PHACTR2: variants seen among roughly 807,000 people sequenced by gnomAD.
PHACTR2 encodes chromosome 6 open reading frame 56.
PHACTR2 carries 30 observed loss-of-function variants against 76.0 expected under a neutral mutation model. The observed-to-expected ratio is 0.39, with a 90% CI of 0.30 to 0.54. PHACTR2 has a LOEUF of 0.54. PHACTR2 is among the 20% of genes least tolerant of loss of function. The pLI is 0.61. For synonymous variants in PHACTR2, 292 were observed against 292.5 expected, an observed-to-expected ratio of 1.00 and a Z score of 0.02; for missense variants, 696 against 781.1, an observed-to-expected ratio of 0.89 and a Z score of 1.30.
Position 143,751,710 on chromosome 6 carries a change from G to A in PHACTR2, c.296-2044G>A, listed in dbSNP as rs187489474. Among the ~76,000 whole-genome samples, 2 of 151,718 alleles carry A rather than the reference G, an allele frequency of 1.3e-5. No homozygotes were observed. The highest frequency in any genetic ancestry group is 2.9e-5 in the Non-Finnish European group (2 of 67,926). On this transcript the variant is annotated intron_variant, in intron 3 of 12. Coordinates refer to ENST00000440869, the MANE Select transcript of PHACTR2 (RefSeq NM_001100164.2). This position sits in a 1 kb window ranked among gnomAD's most constrained non-coding sequence, Gnocchi z 5.7. The stretch of plus-strand genomic sequence containing the variant: ...TCTCTTTCCTTTGCTCTCGTGAGAT[G>A]TGTTGACTTGGGCCGCTTATTGTCA...
In PHACTR2 at chr6:143,733,013, C is replaced by T. The variant is rs995200878; in HGVS notation, c.215-15972C>T. ...AAAGCAATCCTCCTGCCTCAGCCTC[C>T]CAAGTTGCTAGGACCAAAGGCATGC... On this transcript the variant is annotated intron_variant, in intron 2 of 12. Transcript: ENST00000440869. This position sits in a 1 kb window ranked among gnomAD's most constrained non-coding sequence, Gnocchi z 4.0. Among the ~76,000 whole-genome samples the T allele has an allele frequency of 6.6e-6, 1 of 152,070 alleles. No homozygotes were observed. Among genetic ancestry groups the T allele is most frequent in the African/African-American group, 2.4e-5 (1 of 41,398 alleles).
chr6:143,740,206 C>A (rs568709564), intron 2 of PHACTR2, among the ~76,000 whole-genome samples: 1 of 152,106 alleles, frequency 6.6e-6, no homozygotes, highest in Non-Finnish European at 1.5e-5. Context: ...ACTGTCATAG[C>A]GCTGGTGGGA....
chr6:143,537,078 C>T lies in PHACTR2; in HGVS notation c.88C>T (p.Pro30Ser). Reference sequence around the variant, plus strand: ...GGTCCCAGTCCCCGAGCCCGAGGCGCCCGCCCCGCCGGCGGCGCCTGCCCT... The same window carrying T: ...GGTCCCAGTCCCCGAGCCCGAGGCGTCCGCCCCGCCGGCGGCGCCTGCCCT... The change falls in exon 1 of 12, where the codon CCC becomes TCC. Residue 30 changes from proline (P) to serine (S), a missense_variant. Pro to Ser is a moderately conservative substitution (Grantham distance 74). Transcript: ENST00000367584. This position sits in a 1 kb window ranked among gnomAD's most constrained non-coding sequence, Gnocchi z 4.4. 4.9e-6 allele frequency: 1 copy of T among 205,046 alleles called. No homozygotes were observed. The highest frequency in any genetic ancestry group is 6.0e-5 in the Admixed American group (1 of 16,608). 12.7% of individuals were successfully genotyped at this position (205,046 alleles called of 1,614,324 possible).
intron 2 of PHACTR2, among the ~76,000 whole-genome samples, chr6:143,741,080 T>C (rs1778931117): frequency 6.6e-6 from 1 of 152,058 alleles, no homozygotes; most frequent in Non-Finnish European, 1.5e-5. Context: ...AAAACCCATC[T>C]CTACTAAAAA....
chr6:143,777,302 G>T lies in PHACTR2; in HGVS notation c.1590-26G>T. The T allele has an allele frequency of 6.9e-7, 1 of 1,442,792 alleles. No individual in the cohort carries two copies. Among genetic ancestry groups the T allele is most frequent in the Non-Finnish European group, 9.7e-7 (1 of 1,033,196 alleles). 89.4% of individuals were successfully genotyped at this position (1,442,792 alleles called of 1,614,324 possible). A position where few individuals can be genotyped will look rare whatever the true frequency, so the allele number is the denominator to read the frequency against. On this transcript the variant is annotated intron_variant, in intron 8 of 12. Transcript: ENST00000440869. The surrounding 1 kb of genome is among the most constrained non-coding windows in gnomAD (Gnocchi z 4.6). ...TACTAGGGTACCTTGTTTTTAACCT[G>T]TAATATATCCTTTTTGTCATCATAG...
Position 143,825,035 on chromosome 6 carries a change from A to T in PHACTR2, c.*1346A>T, listed in dbSNP as rs1406768469. 1 of 152,636 alleles carries T rather than the reference A, an allele frequency of 6.6e-6. No individual in the cohort carries two copies. The highest frequency in any genetic ancestry group is 2.1e-4 in the South Asian group (1 of 4,836). The allele number at this position is 152,636 out of a possible 1,614,324, so 9.5% of individuals were successfully genotyped here. A position where few individuals can be genotyped will look rare whatever the true frequency, so the allele number is the denominator to read the frequency against. On this transcript the variant is annotated 3_prime_UTR_variant, in exon 13 of 13. Coordinates refer to ENST00000440869, the MANE Select transcript of PHACTR2 (RefSeq NM_001100164.2). This position sits in a 1 kb window ranked among gnomAD's most constrained non-coding sequence, Gnocchi z 4.1. Reference sequence around the variant, plus strand: ...CTCTATTATTGTGTTGCTATTTTCCATGGAGTCACAGGCACACTATGACTT... The same window carrying T: ...CTCTATTATTGTGTTGCTATTTTCCTTGGAGTCACAGGCACACTATGACTT...
rs1463586331 is a variant in PHACTR2 at position 143,782,207 on chromosome 6, CAG to C, written c.1646-1009_1646-1008del. 1.8e-4 allele frequency among the ~76,000 whole-genome samples: 28 copies of C among 152,066 alleles called. No individual in the cohort carries two copies. Among genetic ancestry groups the C allele is most frequent in the African/African-American group, 6.0e-4 (25 of 41,408 alleles). ...CGCCACTGCACTCTAGCCTGGGTGA[CAG>C]AGCGAGAATCCGTTTCAAAAAATAA... is the stretch of plus-strand genomic sequence containing the variant. On this transcript the variant is annotated intron_variant, in intron 9 of 12. Coordinates refer to ENST00000440869, the MANE Select transcript of PHACTR2 (RefSeq NM_001100164.2). The surrounding 1 kb of genome is among the most constrained non-coding windows in gnomAD (Gnocchi z 4.6).
At position 143,544,251 on chromosome 6, in the gene PHACTR2, T is replaced by G. The variant is rs932649842; in HGVS notation, c.217+7044T>G. Among the ~76,000 whole-genome samples, 18 of 111,938 alleles carry G rather than the reference T, an allele frequency of 1.6e-4. No homozygotes were observed. The East Asian group carries it at 2.5e-3, about 15-fold the overall frequency. The allele number at this position is 111,938 out of a possible 152,430, so 73.4% of individuals were successfully genotyped here. On this transcript the variant is annotated intron_variant, in intron 1 of 11. Coordinates refer to the PHACTR2 transcript ENST00000367584. ...TTCCAGGAGGGAGGGAGGGAGGGAGTGGGAAGGAAGGAAGGCGGGCAGGCT... is the reference window on the plus strand; with the variant it reads ...TTCCAGGAGGGAGGGAGGGAGGGAGGGGGAAGGAAGGAAGGCGGGCAGGCT...
chr6:143,569,249 A>G (rs1562239132), intron 1 of PHACTR2, among the ~76,000 whole-genome samples: 1 of 152,190 alleles, frequency 6.6e-6, no homozygotes, highest in African/African-American at 2.4e-5. Context: ...ATAATTCTCC[A>G]GGCTTTCTTT....
rs573886281 is a variant in PHACTR2, at chr6:143,761,495, C to T, written c.694+855C>T. Among the ~76,000 whole-genome samples, 3 of 152,188 alleles carry T rather than the reference C, an allele frequency of 2.0e-5. No homozygotes were observed. Among genetic ancestry groups the T allele is most frequent in the African/African-American group, 4.8e-5 (2 of 41,532 alleles). ...CAGGCCAGGCCCAGTGGCTCACACC[C>T]GTAATCCCAGCACTTTGGGAGGCTG... is the stretch of plus-strand genomic sequence containing the variant. On this transcript the variant is annotated intron_variant, in intron 5 of 12. Coordinates refer to ENST00000440869, the MANE Select transcript of PHACTR2 (RefSeq NM_001100164.2). The surrounding 1 kb of genome is among the most constrained non-coding windows in gnomAD (Gnocchi z 5.2).
Position 143,700,191 on chromosome 6 carries a change from T to G in PHACTR2, c.47-11825T>G, listed in dbSNP as rs111401178. 8.7e-3 allele frequency among the ~76,000 whole-genome samples: 1,325 copies of G among 152,316 alleles called. 20 individuals carry two copies. Among genetic ancestry groups the G allele is most frequent in the African/African-American group, 0.03 (1,241 of 41,560 alleles). On this transcript the variant is annotated intron_variant, in intron 1 of 12. Transcript: ENST00000440869. This position sits in a 1 kb window ranked among gnomAD's most constrained non-coding sequence, Gnocchi z 4.1. Reference sequence around the variant, plus strand: ...ATGTGTTATTTTAATAATATTTGTGTTACATTCATCCTCAATGGGAATTTT... The same window carrying G: ...ATGTGTTATTTTAATAATATTTGTGGTACATTCATCCTCAATGGGAATTTT...
chr6:143,693,522 G>A lies in PHACTR2; in HGVS notation c.46+15313G>A, dbSNP rs570646800. ...CAAAGTGCTGGGATTACAGGCATGA[G>A]CCACCGTGCCCAGCCCCTTTTTTCT... On this transcript the variant is annotated intron_variant, in intron 1 of 12. Transcript: ENST00000440869. Among the ~76,000 whole-genome samples the A allele has an allele frequency of 4.6e-5, 7 of 152,346 alleles. 1 individual carries two copies. In the East Asian group the frequency reaches 5.8e-4, roughly 13 times the overall value.
intron 1 of PHACTR2, among the ~76,000 whole-genome samples, chr6:143,614,765 A>T (rs559723523): frequency 1.1e-3 from 173 of 152,296 alleles, no homozygotes; most frequent in Admixed American, 2.7e-3. Flanking sequence ...CTGCTCATAA[A>T]CATCACCATC....
intron 1 of PHACTR2, chr6:143,711,776 G>C: frequency 1.5e-6 from 1 of 688,578 alleles, no homozygotes; most frequent in South Asian, 1.4e-5. Flanking sequence ...CATCTATAAT[G>C]TAAGTCTCTT....
rs1037965540 is a variant in PHACTR2, at chr6:143,602,640, G to A, written c.217+65433G>A. 8.5e-5 allele frequency among the ~76,000 whole-genome samples: 13 copies of A among 152,228 alleles called. No individual in the cohort carries two copies. Among genetic ancestry groups the A allele is most frequent in the African/African-American group, 3.1e-4 (13 of 41,462 alleles). ...GTCAGCTAGCTTCTTGTGCCTAGCTGTGATTTACCTATTTAATATTTTATC... is the reference window on the plus strand; with the variant it reads ...GTCAGCTAGCTTCTTGTGCCTAGCTATGATTTACCTATTTAATATTTTATC... On this transcript the variant is annotated intron_variant, in intron 1 of 11. Transcript: ENST00000367584. This position sits in a 1 kb window ranked among gnomAD's most constrained non-coding sequence, Gnocchi z 6.1.
chr6:143,777,373 C>A lies in PHACTR2; in HGVS notation c.1635C>A (p.Asn545Lys). ...RPTTEELEQR[N>K]ILKQKNEEEE... is the part of the protein sequence containing the mutation. ...CAACTGAAGAATTAGAGCAAAGAAA[C>A]ATCCTAAAACGTGAGTATTCTATAC... The change falls in exon 9 of 13, where the codon AAC becomes AAA. Residue 545 changes from asparagine to lysine, a missense_variant. Transcript: ENST00000440869. This position sits in a 1 kb window ranked among gnomAD's most constrained non-coding sequence, Gnocchi z 4.6. 1 of 1,586,432 alleles carries A rather than the reference C, an allele frequency of 6.3e-7. No homozygotes were observed. Among genetic ancestry groups the A allele is most frequent in the Non-Finnish European group, 8.6e-7 (1 of 1,156,558 alleles).
chr6:143,807,002 G>C lies in PHACTR2; in HGVS notation c.1846-55G>C, dbSNP rs1776079854. The C allele has an allele frequency of 2.1e-6, 2 of 934,730 alleles. No individual in the cohort carries two copies. The highest frequency in any genetic ancestry group is 3.3e-5 in the African/African-American group (2 of 59,946). 57.9% of individuals were successfully genotyped at this position (934,730 alleles called of 1,614,324 possible). ...TGCTTCATTGATGCTGTATATACTGGGGCAATATATGACCTAAATAACAGT... is the reference window on the plus strand; with the variant it reads ...TGCTTCATTGATGCTGTATATACTGCGGCAATATATGACCTAAATAACAGT... On this transcript the variant is annotated intron_variant, in intron 11 of 12. Coordinates refer to ENST00000440869, the MANE Select transcript of PHACTR2 (RefSeq NM_001100164.2). This position sits in a 1 kb window ranked among gnomAD's most constrained non-coding sequence, Gnocchi z 5.5.
chr6:143,595,209 G>A lies in PHACTR2; in HGVS notation c.217+58002G>A, dbSNP rs937836375. 6.6e-6 allele frequency among the ~76,000 whole-genome samples: 1 copy of A among 152,088 alleles called. No individual in the cohort carries two copies. The highest frequency in any genetic ancestry group is 6.5e-5 in the Admixed American group (1 of 15,270). ...TTATTAAAAAGTTCAATTAGAGGAT[G>A]GGCACTAAAATATATATGAACTAAG... On this transcript the variant is annotated intron_variant, in intron 1 of 11. Transcript: ENST00000367584. The surrounding 1 kb of genome is among the most constrained non-coding windows in gnomAD (Gnocchi z 4.2).
At chr6:143,613,204 C>T (rs1469398960) in intron 1 of PHACTR2, among the ~76,000 whole-genome samples, 4 of 152,146 alleles carry the variant, frequency 2.6e-5, no homozygotes, top group Admixed American at 2.0e-4. Flanking sequence ...CTCAGTCTCC[C>T]GACCTCGTGA....
Sources: allele counts gnomAD v4.1 joint callset (sites outside exome capture counted in the v4.1 genomes callset), GRCh38; gene constraint gnomAD v4.1.1; non-coding constraint Gnocchi (gnomAD v3.1); transcripts MANE v1.5; gene names NCBI Gene and HGNC (gene_info 2026-07-23, HGNC 2026-07-21).